Variants in PDE4D observed in about 807,000 individuals in gnomAD.
PDE4D encodes the protein 3',5'-cyclic-AMP phosphodiesterase 4D.
A neutral mutation model predicts 87.4 loss-of-function variants in PDE4D; 24 were observed. That is an observed-to-expected ratio of 0.27 (90% CI 0.20 to 0.39). The LOEUF is 0.39. Among genes scored for constraint, PDE4D ranks in the 10% least tolerant of loss-of-function variants. PDE4D has a pLI of 1.00. For missense variants in PDE4D, 714 were observed against 1,041.0 expected (o/e 0.69, Z 4.32); for synonymous variants, 384 against 383.2 (o/e 1.00, Z -0.02).
In PDE4D at chr5:60,127,817, C is replaced by T. The variant is rs1779242477; in HGVS notation, c.42+57740G>A. 1.8e-5 allele frequency: 8 copies of T among 442,500 alleles called. No homozygotes were observed. The South Asian group carries it at 4.7e-4, about 26-fold the overall frequency. The allele number at this position is 442,500 out of a possible 1,614,324, so 27.4% of individuals were successfully genotyped here. On this transcript the variant is annotated intron_variant, in intron 2 of 16. Transcript: ENST00000502484. ...AGAGGACAAATATGGGCTGAATATA[C>T]AAATTGGCGAGTCCTTAGTATATAA...
At chr5:60,476,260 C>T (rs554690668) in intron 1 of PDE4D, among the ~76,000 whole-genome samples, 5 of 152,226 alleles carry the variant, frequency 3.3e-5, no homozygotes, top group African/African-American at 1.2e-4. Context: ...GAGATGTCAC[C>T]GGAAGTCTGT....
intron 1 of PDE4D, among the ~76,000 whole-genome samples, chr5:60,520,679 C>T (rs1000887729): frequency 1.3e-5 from 2 of 152,230 alleles, no homozygotes; most frequent in African/African-American, 2.4e-5. Flanking sequence ...GGGCTTGATT[C>T]AGGAAAAGAA....
intron 1 of PDE4D, among the ~76,000 whole-genome samples, chr5:59,755,793 CT>C (rs1182523747): frequency 6.6e-6 from 1 of 151,400 alleles, no homozygotes; most frequent in Non-Finnish European, 1.5e-5. Context: ...CAGAAAGTTG[CT>C]TGCTTCAAAA....
chr5:59,384,154 C>T (rs899619632), intron 1 of PDE4D, among the ~76,000 whole-genome samples: 5 of 152,202 alleles, frequency 3.3e-5, no homozygotes, highest in Admixed American at 2.0e-4. Context: ...AATCCTCCCA[C>T]CTGGGCCTCC....
intron 5 of PDE4D, among the ~76,000 whole-genome samples, chr5:59,122,519 A>G (rs542747463): frequency 2.0e-4 from 30 of 152,208 alleles, no homozygotes; most frequent in Non-Finnish European, 3.2e-4. Flanking sequence ...GGTATTGCAT[A>G]TTTCAAAATA....
At chr5:59,876,615 C>A (rs1308855281) in intron 1 of PDE4D, among the ~76,000 whole-genome samples, 1 of 152,186 alleles carries the variant, frequency 6.6e-6, no homozygotes, top group Non-Finnish European at 1.5e-5. Context: ...GGACTCCCCC[C>A]ACCTTCTGTC....
intron 1 of PDE4D, among the ~76,000 whole-genome samples, chr5:60,518,560 C>G (rs972854157): frequency 1.3e-5 from 2 of 152,194 alleles, no homozygotes; most frequent in South Asian, 2.1e-4. Context: ...CAAAATGGGA[C>G]TCTATACAGT....
chr5:59,516,966 C>T (rs1184177884), intron 1 of PDE4D, among the ~76,000 whole-genome samples: 3 of 151,844 alleles, frequency 2.0e-5, no homozygotes, highest in African/African-American at 4.9e-5. Context: ...CACACACACA[C>T]ACATACACAG....
At chr5:60,421,715 G>C (rs1050645874) in intron 1 of PDE4D, among the ~76,000 whole-genome samples, 2 of 152,186 alleles carry the variant, frequency 1.3e-5, no homozygotes, top group Non-Finnish European at 2.9e-5. Context: ...ACAGAAGTAG[G>C]CTTCAGAAGG....
At chr5:59,105,384 A>G (rs1299367985) in intron 5 of PDE4D, among the ~76,000 whole-genome samples, 1 of 152,174 alleles carries the variant, frequency 6.6e-6, no homozygotes, top group African/African-American at 2.4e-5. Context: ...AAATGTTTTT[A>G]AGCACAGTGG....
intron 1 of PDE4D, among the ~76,000 whole-genome samples, chr5:60,514,794 G>A (rs1750723113): frequency 6.6e-6 from 1 of 152,012 alleles, no homozygotes; most frequent in Admixed American, 6.5e-5. Flanking sequence ...AGAAAAAAAT[G>A]CTTACCATCA....
chr5:59,594,966 T>C (rs1247507507), intron 1 of PDE4D, among the ~76,000 whole-genome samples: 1 of 152,194 alleles, frequency 6.6e-6, no homozygotes, highest in East Asian at 1.9e-4. Flanking sequence ...GGGGTGGCTA[T>C]GCATGTGTGG....
In PDE4D at chr5:59,521,966, A is replaced by T. The variant is rs79885669; in HGVS notation, c.456-305998T>A. 4.6e-3 allele frequency among the ~76,000 whole-genome samples: 703 copies of T among 152,336 alleles called. 5 individuals are homozygous for T. The highest frequency in any genetic ancestry group is 0.015 in the African/African-American group (626 of 41,574). The stretch of plus-strand genomic sequence containing the variant: ...GTAGCCGACAATTATTGAGAATGAA[A>T]GGGTTTTTACACTAATTTACATTTC... On this transcript the variant is annotated intron_variant, in intron 1 of 14. Transcript: ENST00000340635.
At chr5:59,691,589 A>G (rs1204232659) in intron 1 of PDE4D, among the ~76,000 whole-genome samples, 52 of 103,250 alleles carry the variant, frequency 5.0e-4, no homozygotes, top group Non-Finnish European at 8.5e-4. Flanking sequence ...GGGAGGGGGG[A>G]GGGATAGCAT....
intron 2 of PDE4D, among the ~76,000 whole-genome samples, chr5:59,999,978 G>T (rs900949178): frequency 1.3e-5 from 2 of 151,670 alleles, no homozygotes; most frequent in Admixed American, 6.6e-5. Flanking sequence ...CCATCAAGCA[G>T]AAGAAAGAAT....
chr5:59,449,349 C>T (rs1212284886), intron 1 of PDE4D, among the ~76,000 whole-genome samples: 3 of 152,214 alleles, frequency 2.0e-5, no homozygotes, highest in Admixed American at 6.5e-5. Context: ...AAAGTTTGTG[C>T]TGGAAATTTT....
In PDE4D at chr5:59,215,552, CGTGTGTGT is replaced by C. The variant is rs10693866; in HGVS notation, c.647+217_647+224del. ...TATTTTCTGGGAAAATAAATACATG[CGTGTGTGT>C]GTGTGTGTGTGTGTGTGTGTGTGTG... On this transcript the variant is annotated intron_variant, in intron 2 of 14. Coordinates refer to ENST00000340635, the MANE Select transcript of PDE4D (RefSeq NM_001104631.2). 15,995 of 363,804 alleles carry C rather than the reference CGTGTGTGT, an allele frequency of 0.044. 176 individuals carry two copies. The highest frequency in any genetic ancestry group is 0.055 in the Non-Finnish European group (11,308 of 205,740). 22.5% of individuals were successfully genotyped at this position (363,804 alleles called of 1,614,324 possible).
At chr5:59,685,051 T>C (rs967262922) in intron 1 of PDE4D, among the ~76,000 whole-genome samples, 5 of 152,164 alleles carry the variant, frequency 3.3e-5, no homozygotes, top group Non-Finnish European at 1.5e-5. Context: ...GACTAACACA[T>C]AGAGTATAGA....
chr5:60,097,229 C>T (rs1475931053), intron 2 of PDE4D, among the ~76,000 whole-genome samples: 2 of 142,630 alleles, frequency 1.4e-5, no homozygotes, highest in East Asian at 2.0e-4. Context: ...TTGCATTGGC[C>T]GTGTACCTAG....
Sources: gnomAD v4.1 joint callset for allele counts (sites outside exome capture counted in the v4.1 genomes callset) on GRCh38, gnomAD v4.1.1 for gene constraint, MANE v1.5 for transcripts, NCBI Gene and HGNC (gene_info 2026-07-23, HGNC 2026-07-21) for gene names.